ATF7IP: variants seen among roughly 807,000 people sequenced by gnomAD.
ATF7IP encodes activating transcription factor 7 interacting protein, also known as activating transcription factor 7-interacting protein 1.
ATF7IP carries 23 observed loss-of-function variants against 106.4 expected under a neutral mutation model. That is an observed-to-expected ratio of 0.22 (90% confidence interval 0.16 to 0.31). The LOEUF is 0.31. Among genes scored for constraint, ATF7IP ranks in the 10% least tolerant of loss-of-function variants. The pLI is 1.00. For synonymous variants in ATF7IP, 542 were observed against 539.0 expected, an observed-to-expected ratio of 1.01 and a Z score of -0.08; for missense variants, 1,334 against 1,524.3, an observed-to-expected ratio of 0.88 and a Z score of 2.08.
At chr12:14,478,544 G>A (rs1944331972) in intron 12 of ATF7IP, 72 bp downstream of exon 12, 1 of 1,520,284 alleles carries the variant, frequency 6.6e-7, no homozygotes, top group African/African-American at 1.4e-5. Flanking sequence ...GAGTTAAGTG[G>A]AAAGATAAGA....
chr12:14,431,604 C>G (rs149845610), intron 2 of ATF7IP, among the ~76,000 whole-genome samples: 2,099 of 152,154 alleles, frequency 0.014, 63 homozygotes, highest in African/African-American at 0.048. Flanking sequence ...CCATGTTAGC[C>G]AGGATGGTCT....
At position 14,424,778 on chromosome 12, in the gene ATF7IP, C is replaced by A. The variant is rs772768140; in HGVS notation, c.863C>A (p.Thr288Asn). ...ELTSESTFDRTFEPKSVPVCE... is the reference protein window; with the variant it reads ...ELTSESTFDRNFEPKSVPVCE... ...ACTTCTGAATCAACCTTTGATCGTA[C>A]CTTTGAACCAAAGTCTGTACCAGTT... Residue 288 changes from threonine to asparagine, a missense_variant, in exon 2 of 15, where the codon ACC becomes AAC. Thr to Asn is a moderately conservative substitution (Grantham distance 65). This residue lies in a region of ATF7IP where 438 missense variants were observed against 405.3 expected (regional missense o/e 1.08). Transcript: ENST00000261168. 5 of 1,613,906 alleles carry A rather than the reference C, an allele frequency of 3.1e-6. No individual in the cohort carries two copies. The African/African-American group carries it at 5.3e-5, about 17-fold the overall frequency.
At chr12:14,487,644 T>G (rs1384673981) in intron 13 of ATF7IP, among the ~76,000 whole-genome samples, 1 of 152,178 alleles carries the variant, frequency 6.6e-6, no homozygotes, top group African/African-American at 2.4e-5. Context: ...ATGCCTCTTT[T>G]GTTGTAGGTT....
At chr12:14,400,522 T>C (rs909236039) in intron 1 of ATF7IP, among the ~76,000 whole-genome samples, 7 of 152,188 alleles carry the variant, frequency 4.6e-5, no homozygotes, top group Non-Finnish European at 8.8e-5. Context: ...GCACTATTAA[T>C]TGCAAGAGTT....
chr12:14,381,558 A>G (rs1939002840), intron 1 of ATF7IP, among the ~76,000 whole-genome samples: 1 of 151,918 alleles, frequency 6.6e-6, no homozygotes, highest in Admixed American at 6.6e-5. Context: ...AGCTTCCCAA[A>G]TCTTAGTAGC....
At chr12:14,461,214 G>T in intron 9 of ATF7IP, 81 bp downstream of exon 9, 2 of 1,298,862 alleles carry the variant, frequency 1.5e-6, no homozygotes, top group South Asian at 1.6e-5. Flanking sequence ...TTTTCTAAGT[G>T]GCTAGCGTTA....
chr12:14,473,691 G>T (rs1239420878), intron 10 of ATF7IP, among the ~76,000 whole-genome samples: 1 of 151,808 alleles, frequency 6.6e-6, no homozygotes, highest in East Asian at 1.9e-4. Context: ...CATCTTTACA[G>T]TGTAGATCTG....
At chr12:14,367,970 G>C (rs746038622) in intron 1 of ATF7IP, among the ~76,000 whole-genome samples, 1 of 151,962 alleles carries the variant, frequency 6.6e-6, no homozygotes. Context: ...TGAATACCAA[G>C]TTACTGAAGT....
chr12:14,497,826 G>A lies in ATF7IP; in HGVS notation c.3566G>A (p.Ser1189Asn). Reference sequence around the variant, plus strand: ...TGGAGTGTCCTGGAGGTGGATCGAAGCTGTGCCACTGTTGATAGCTACCAT... The same window carrying A: ...TGGAGTGTCCTGGAGGTGGATCGAAACTGTGCCACTGTTGATAGCTACCAT... ...LSWSVLEVDR[S>N]CATVDSYHLY... The change falls in exon 15 of 15, where the codon AGC (serine) becomes AAC (asparagine). Residue 1189 changes from serine to asparagine, a missense_variant. Ser to Asn is a conservative substitution (Grantham distance 46). Transcript: ENST00000261168. 1 of 1,614,150 alleles carries A rather than the reference G, an allele frequency of 6.2e-7. No homozygotes were observed. Among genetic ancestry groups the A allele is most frequent in the Non-Finnish European group, 8.5e-7 (1 of 1,180,026 alleles).
At chr12:14,398,673 T>C (rs1161865513) in intron 1 of ATF7IP, among the ~76,000 whole-genome samples, 1 of 152,058 alleles carries the variant, frequency 6.6e-6, no homozygotes, top group Non-Finnish European at 1.5e-5. Flanking sequence ...TCCATAGATT[T>C]ATTTCTGATT....
chr12:14,437,221 C>T (rs576702523), intron 4 of ATF7IP, among the ~76,000 whole-genome samples: 10 of 151,980 alleles, frequency 6.6e-5, no homozygotes, highest in African/African-American at 1.9e-4. Flanking sequence ...TATTAAACTT[C>T]GATGATAACT....
intron 13 of ATF7IP, among the ~76,000 whole-genome samples, chr12:14,489,360 A>C (rs527513676): frequency 6.6e-6 from 1 of 152,312 alleles, no homozygotes; most frequent in South Asian, 2.1e-4. Context: ...CAAAGTATCC[A>C]GGTGGCAATC....
chr12:14,376,486 A>G (rs1405400482), intron 1 of ATF7IP, among the ~76,000 whole-genome samples: 1 of 152,252 alleles, frequency 6.6e-6, no homozygotes, highest in African/African-American at 2.4e-5. Flanking sequence ...TGTGTGCTTA[A>G]CAAAACTATG....
Position 14,498,761 on chromosome 12 carries a change from A to G in ATF7IP, c.*688A>G, listed in dbSNP as rs929131910. 3 of 152,656 alleles carry G rather than the reference A, an allele frequency of 2.0e-5. No individual in the cohort carries two copies. The highest frequency in any genetic ancestry group is 7.2e-5 in the African/African-American group (3 of 41,454). 9.5% of individuals were successfully genotyped at this position (152,656 alleles called of 1,614,324 possible). On this transcript the variant is annotated 3_prime_UTR_variant, in exon 15 of 15. Coordinates refer to ENST00000261168, the MANE Select transcript of ATF7IP (RefSeq NM_018179.5). ...CAAAAATAAATAAATAAATATGGCC[A>G]TATGTCCGTTGTTGCTTAGTCTTCC... is the stretch of plus-strand genomic sequence containing the variant.
chr12:14,396,698 A>G (rs1939863128), intron 1 of ATF7IP, among the ~76,000 whole-genome samples: 1 of 152,152 alleles, frequency 6.6e-6, no homozygotes, highest in Admixed American at 6.5e-5. Flanking sequence ...GGCTGGGAAG[A>G]TAGTTGAGAT....
intron 13 of ATF7IP, among the ~76,000 whole-genome samples, chr12:14,495,814 C>G (rs991866496): frequency 6.6e-6 from 1 of 152,122 alleles, no homozygotes; most frequent in Non-Finnish European, 1.5e-5. Flanking sequence ...TCACACTGCT[C>G]CATTATGGCC....
chr12:14,383,359 T>C (rs939910897), intron 1 of ATF7IP, among the ~76,000 whole-genome samples: 2 of 152,186 alleles, frequency 1.3e-5, no homozygotes, highest in African/African-American at 4.8e-5. Context: ...TGTTCCATAA[T>C]TTAAATCTTT....
At chr12:14,461,454 G>A (rs1480344634) in intron 9 of ATF7IP, among the ~76,000 whole-genome samples, 3 of 151,914 alleles carry the variant, frequency 2.0e-5, no homozygotes, top group African/African-American at 2.4e-5. Context: ...CAGCAATATC[G>A]TTTAAAACAT....
intron 1 of ATF7IP, among the ~76,000 whole-genome samples, chr12:14,400,563 T>C (rs1940136353): frequency 6.6e-6 from 1 of 152,060 alleles, no homozygotes; most frequent in African/African-American, 2.4e-5. Flanking sequence ...ATAATATTTC[T>C]CAGAGATTTT....
Sources: allele counts gnomAD v4.1 joint callset (sites outside exome capture counted in the v4.1 genomes callset), GRCh38; gene constraint gnomAD v4.1.1; regional missense constraint gnomAD v4.1.1; transcripts MANE v1.5; gene names NCBI Gene and HGNC (gene_info 2026-07-23, HGNC 2026-07-21).